Variants in GTF2E2 observed in about 807,000 individuals in gnomAD.
GTF2E2 encodes general transcription factor IIE subunit 2.
Under a neutral mutation model 40.5 loss-of-function variants are expected in GTF2E2, and 21 were observed. That is an observed-to-expected ratio of 0.52 (90% CI 0.37 to 0.75). GTF2E2 has a LOEUF of 0.75. GTF2E2 is among the 30% of genes least tolerant of loss of function. GTF2E2 has a pLI of 0.00. For synonymous variants in GTF2E2, 117 were observed against 121.6 expected, an observed-to-expected ratio of 0.96 and a Z score of 0.25; for missense variants, 298 against 338.4, an observed-to-expected ratio of 0.88 and a Z score of 0.94.
At chr8:30,652,080 C>G (rs1458224048) in intron 2 of GTF2E2, among the ~76,000 whole-genome samples, 1 of 152,188 alleles carries the variant, frequency 6.6e-6, no homozygotes, top group East Asian at 1.9e-4. Context: ...CTCAAATATA[C>G]TACAAACCTA....
intron 2 of GTF2E2, among the ~76,000 whole-genome samples, chr8:30,640,451 C>T (rs1051676286): frequency 6.6e-6 from 1 of 151,528 alleles, no homozygotes; most frequent in East Asian, 1.9e-4. Flanking sequence ...GTAAACATAC[C>T]AAAATTAACA....
At position 30,579,262 on chromosome 8, in the gene GTF2E2, C is replaced by T. The variant is rs2294085; in HGVS notation, c.760-225G>A. 0.45 allele frequency among the ~76,000 whole-genome samples: 68,075 copies of T among 151,886 alleles called. 15,235 individuals are homozygous for T. Among genetic ancestry groups the T allele is most frequent in the Middle Eastern group, 0.55 (162 of 294 alleles). ...ATGCCATCGGGAATGAAGGAGCAGG[C>T]ACAAAAACCTGCCAAAATGGTTCTA... On this transcript the variant is annotated intron_variant, in intron 7 of 7. Transcript: ENST00000355904.
intron 2 of GTF2E2, among the ~76,000 whole-genome samples, chr8:30,647,116 T>C (rs1033431271): frequency 5.9e-5 from 9 of 151,736 alleles, no homozygotes; most frequent in African/African-American, 2.2e-4. Context: ...ATGAGTAAGG[T>C]TTGAAAACAA....
chr8:30,585,077 T>G (rs551723858), intron 6 of GTF2E2: 1 of 152,208 alleles, frequency 6.6e-6, no homozygotes, highest in Non-Finnish European at 1.5e-5. Context: ...TCCCAGCTAC[T>G]TGGGAGGCTG....
At chr8:30,579,798 C>A (rs943414040) in intron 7 of GTF2E2, among the ~76,000 whole-genome samples, 1 of 152,228 alleles carries the variant, frequency 6.6e-6, no homozygotes, top group Non-Finnish European at 1.5e-5. Flanking sequence ...TAATTACTAA[C>A]ATCCCCTGTG....
chr8:30,603,182 C>A (rs1220640154), intron 6 of GTF2E2, among the ~76,000 whole-genome samples: 2 of 152,138 alleles, frequency 1.3e-5, no homozygotes, highest in African/African-American at 4.8e-5. Context: ...CTTGAATAAA[C>A]AGGCTTACGA....
Position 30,653,462 on chromosome 8 carries a change from C to G in GTF2E2, c.137G>C (p.Gly46Ala), listed in dbSNP as rs543436891. 3 of 1,613,772 alleles carry G rather than the reference C, an allele frequency of 1.9e-6. No homozygotes were observed. In the South Asian group the frequency reaches 3.3e-5, roughly 18 times the overall value. Residue 46 changes from glycine (G) to alanine (A), a missense_variant, in exon 2 of 8, where the codon GGA becomes GCA. Gly to Ala is a moderately conservative substitution (Grantham distance 60, BLOSUM62 0). Coordinates refer to ENST00000355904, the MANE Select transcript of GTF2E2 (RefSeq NM_002095.6). ...ATTTTGTTTAGAGCCTGACGATCCT[C>G]CATGTTCTACCTTTGTTTTCTTCTT... ...SKKKKTKVEHGGSSGSKQNSD... is the reference protein window; with the variant it reads ...SKKKKTKVEHAGSSGSKQNSD...
intron 3 of GTF2E2, among the ~76,000 whole-genome samples, chr8:30,621,305 A>G (rs1801094722): frequency 6.6e-6 from 1 of 152,090 alleles, no homozygotes; most frequent in Non-Finnish European, 1.5e-5. Context: ...GAAAAAAATC[A>G]ATGACAGAAG....
chr8:30,586,417 T>G (rs149278924), intron 6 of GTF2E2, among the ~76,000 whole-genome samples: 317 of 152,296 alleles, frequency 2.1e-3, no homozygotes, highest in African/African-American at 7.2e-3. Context: ...ATCTCAAGAT[T>G]TGGATTCTGA....
At chr8:30,587,773 G>A (rs576563581) in intron 6 of GTF2E2, among the ~76,000 whole-genome samples, 19 of 150,548 alleles carry the variant, frequency 1.3e-4, no homozygotes, top group African/African-American at 4.6e-4. Flanking sequence ...TTGGGAGGCT[G>A]AGGCAGGAGA....
At chr8:30,640,625 T>C (rs1322199704) in intron 2 of GTF2E2, among the ~76,000 whole-genome samples, 1 of 152,230 alleles carries the variant, frequency 6.6e-6, no homozygotes, top group Non-Finnish European at 1.5e-5. Flanking sequence ...ATAAAGAATG[T>C]TTACAGCATT....
intron 6 of GTF2E2, among the ~76,000 whole-genome samples, chr8:30,581,502 T>C (rs1363200026): frequency 1.3e-5 from 2 of 152,226 alleles, no homozygotes; most frequent in Admixed American, 1.3e-4. Context: ...GGTGATACCA[T>C]GGAAATCGGT....
chr8:30,656,118 T>G (rs1294605423), intron 1 of GTF2E2, among the ~76,000 whole-genome samples: 1 of 152,134 alleles, frequency 6.6e-6, no homozygotes, highest in Non-Finnish European at 1.5e-5. Context: ...CCGGCCTCAG[T>G]TTCAATTCCT....
chr8:30,646,193 A>T (rs1408269931), intron 2 of GTF2E2: 1 of 152,298 alleles, frequency 6.6e-6, no homozygotes, highest in Non-Finnish European at 1.5e-5. Context: ...AAACTGACTT[A>T]CTGTTTAGTT....
At chr8:30,625,854 CT>C (rs1801257109) in intron 3 of GTF2E2, among the ~76,000 whole-genome samples, 1 of 152,202 alleles carries the variant, frequency 6.6e-6, no homozygotes, top group Non-Finnish European at 1.5e-5. Flanking sequence ...CCGCCTCAGC[CT>C]CCCAAAGTGC....
intron 6 of GTF2E2, among the ~76,000 whole-genome samples, chr8:30,585,709 T>C (rs1828661555): frequency 6.7e-6 from 1 of 149,470 alleles, no homozygotes; most frequent in Non-Finnish European, 1.5e-5. Flanking sequence ...CTTGCCACTT[T>C]TTCTCAGCCC....
intron 6 of GTF2E2, among the ~76,000 whole-genome samples, chr8:30,590,348 T>A (rs904526766): frequency 2.6e-5 from 4 of 152,214 alleles, no homozygotes; most frequent in Non-Finnish European, 5.9e-5. Context: ...AGTTAAAGGA[T>A]GTGAGTTGTT....
chr8:30,606,981 G>A (rs2151124174), intron 6 of GTF2E2, 76 bp downstream of exon 6: 1 of 558,004 alleles, frequency 1.8e-6, no homozygotes, highest in East Asian at 3.4e-5. Flanking sequence ...AATTATAATT[G>A]TATTATAAAT....
chr8:30,626,400 G>A (rs1177590061), intron 3 of GTF2E2, among the ~76,000 whole-genome samples: 3 of 152,120 alleles, frequency 2.0e-5, no homozygotes, highest in African/African-American at 7.2e-5. Flanking sequence ...CAGGAGAATC[G>A]CTTGAACCCG....
Sources: allele counts gnomAD v4.1 joint callset (sites outside exome capture counted in the v4.1 genomes callset), GRCh38; gene constraint gnomAD v4.1.1; transcripts MANE v1.5; gene names NCBI Gene and HGNC (gene_info 2026-07-23, HGNC 2026-07-21).